Variants in GPATCH1 observed in about 807,000 individuals in gnomAD.
GPATCH1 encodes G-patch domain containing 1.
In GPATCH1, 73 loss-of-function variants were observed where a neutral mutation model predicts 114.9. That is an observed-to-expected ratio of 0.64 (90% CI 0.53 to 0.77). The LOEUF (loss-of-function observed/expected upper bound fraction) is 0.77. Among genes scored for constraint, GPATCH1 ranks in the 30% least tolerant of loss-of-function variants. The pLI, the probability that GPATCH1 is intolerant of heterozygous loss-of-function variation, is 0.00. For missense variants in GPATCH1, 1,058 were observed against 1,144.3 expected (o/e 0.92, Z 1.09); for synonymous variants, 391 against 428.4 (o/e 0.91, Z 1.08).
In GPATCH1 at chr19:33,130,131, C is replaced by G. The variant is rs1293231331; in HGVS notation, c.2767C>G (p.Leu923Val). 1 of 1,610,590 alleles carries G rather than the reference C, an allele frequency of 6.2e-7. No individual in the cohort carries two copies. ...TCTCTTTTCTGTTTTCTTTTCCAGG[C>G]TGAAAAGTCTTCCACTAAGAAGGCA... is the stretch of plus-strand genomic sequence containing the variant. ...DVSPQELLRR[L>V]KSLPLRRQ The change falls in exon 20 of 20, where the codon CTG (leucine) becomes GTG (valine). Residue 923 changes from leucine (L) to valine (V), a missense_variant and splice_region_variant. Physicochemically the swap from Leu to Val is conservative, Grantham distance 32. Coordinates refer to ENST00000170564, the MANE Select transcript of GPATCH1 (RefSeq NM_018025.3).
In GPATCH1 at chr19:33,093,461, G is replaced by A. The variant is rs752843732; in HGVS notation, c.397G>A (p.Ala133Thr). 2.0e-5 allele frequency: 32 copies of A among 1,613,486 alleles called. No homozygotes were observed. The highest frequency in any genetic ancestry group is 2.7e-5 in the African/African-American group (2 of 74,888). Residue 133 changes from alanine (A) to threonine (T), a missense_variant, in exon 4 of 20, where the codon GCT becomes ACT. Physicochemically the swap from Ala to Thr is moderately conservative, Grantham distance 58. Transcript: ENST00000170564. ...ACGAGAAAAGGCTAGGCAGTTGGCC[G>A]CTGCTACTGCCCCTATTCCTGGAGC... ...RIREKARQLA[A>T]ATAPIPGATL...
At chr19:33,111,624 A>G (rs1390484440) in intron 11 of GPATCH1, 100 bp from the exon 12 acceptor site, 5 of 1,031,702 alleles carry the variant, frequency 4.8e-6, no homozygotes, top group East Asian at 2.4e-5. Context: ...ATAAGGACTT[A>G]TGAAATATAC....
intron 12 of GPATCH1, 107 bp from the exon 13 acceptor site, chr19:33,112,379 C>T: frequency 7.7e-7 from 1 of 1,305,306 alleles, no homozygotes; most frequent in Non-Finnish European, 1.1e-6. Flanking sequence ...TGTTATAGCA[C>T]AAACTTTTTT....
rs1261027184 is a variant in GPATCH1, at chr19:33,114,386, G to A, written c.2163G>A (p.Glu721=). ...KQQSSPLVNK[E]EEHAPELSAN... ...AGTCCAGCCCCTTAGTAAACAAAGA[G>A]GAAGAGCATGCACCAGAATTATCCG... The change falls in exon 15 of 20, where the codon GAG becomes GAA. Residue 721 remains glutamate, a synonymous_variant. Coordinates refer to ENST00000170564, the MANE Select transcript of GPATCH1 (RefSeq NM_018025.3). 21 of 1,606,282 alleles carry A rather than the reference G, an allele frequency of 1.3e-5. No homozygotes were observed. Among genetic ancestry groups the A allele is most frequent in the Non-Finnish European group, 1.7e-5 (20 of 1,178,150 alleles).
intron 3 of GPATCH1, among the ~76,000 whole-genome samples, chr19:33,091,725 A>G (rs1043164698): frequency 6.6e-6 from 1 of 152,194 alleles, no homozygotes; most frequent in African/African-American, 2.4e-5. Flanking sequence ...AAACCTGCAC[A>G]TCCTGCACAT....
Position 33,121,430 on chromosome 19 carries a change from C to T in GPATCH1, c.2521+2313C>T, listed in dbSNP as rs567931154. On this transcript the variant is annotated intron_variant, in intron 17 of 19. Coordinates refer to ENST00000170564, the MANE Select transcript of GPATCH1 (RefSeq NM_018025.3). ...CACCTCCTGGGTTCAAGCGATTCTC[C>T]TACCTCACCCTCCCAAGTAGCTGGG... Among the ~76,000 whole-genome samples the T allele has an allele frequency of 2.6e-5, 4 of 151,712 alleles. No homozygotes were observed. In the South Asian group the frequency reaches 8.3e-4, roughly 32 times the overall value.
chr19:33,099,357 C>T (rs534153245), intron 8 of GPATCH1, among the ~76,000 whole-genome samples: 11 of 151,492 alleles, frequency 7.3e-5, no homozygotes, highest in Non-Finnish European at 1.0e-4. Flanking sequence ...TATTTAAGTC[C>T]GCCTGCTGAA....
chr19:33,108,678 C>T (rs1186873037), intron 10 of GPATCH1, among the ~76,000 whole-genome samples: 1 of 152,076 alleles, frequency 6.6e-6, no homozygotes, highest in East Asian at 1.9e-4. Context: ...TGAGGGCCAG[C>T]GTATTGCTCC....
chr19:33,125,199 G>A lies in GPATCH1; in HGVS notation c.2616G>A (p.Glu872=), dbSNP rs145162939. 4.4e-6 allele frequency: 7 copies of A among 1,589,364 alleles called. No homozygotes were observed. The African/African-American group carries it at 8.1e-5, about 18-fold the overall frequency. ...KAKKEHRRKK[E]KKKKHRKHKH... ...AGAAAGAGCACAGGCGGAAGAAAGAGAAGGTGAGAGACTTGTGTGTACCCC... is the reference window on the plus strand; with the variant it reads ...AGAAAGAGCACAGGCGGAAGAAAGAAAAGGTGAGAGACTTGTGTGTACCCC... Residue 872 remains glutamate (E), a synonymous_variant, in exon 18 of 20, where the codon GAG becomes GAA. Transcript: ENST00000170564.
rs138520265 is a variant in GPATCH1 at position 33,105,859 on chromosome 19, T to C, written c.1081-836T>C. Among the ~76,000 whole-genome samples, 1,169 of 151,860 alleles carry C rather than the reference T, an allele frequency of 7.7e-3. 11 individuals carry two copies. Among genetic ancestry groups the C allele is most frequent in the Middle Eastern group, 0.034 (10 of 294 alleles). ...TTTATTTGTCTTTCTTTTTTTTTTG[T>C]TTGAGACGGAGTCTCGCTCTGTTTC... On this transcript the variant is annotated intron_variant, in intron 9 of 19. Coordinates refer to ENST00000170564, the MANE Select transcript of GPATCH1 (RefSeq NM_018025.3).
intron 9 of GPATCH1, among the ~76,000 whole-genome samples, chr19:33,106,394 T>C (rs1972785055): frequency 6.6e-6 from 1 of 152,190 alleles, no homozygotes; most frequent in Non-Finnish European, 1.5e-5. Flanking sequence ...ACATTTATGA[T>C]CTATTGTCAT....
intron 17 of GPATCH1, among the ~76,000 whole-genome samples, chr19:33,124,678 A>G (rs974508317): frequency 1.3e-5 from 2 of 152,158 alleles, no homozygotes; most frequent in Non-Finnish European, 2.9e-5. Flanking sequence ...TCCCCATTTT[A>G]TAGTTGGGGA....
At chr19:33,101,792 G>A (rs953192509) in intron 9 of GPATCH1, among the ~76,000 whole-genome samples, 1 of 152,126 alleles carries the variant, frequency 6.6e-6, no homozygotes, top group Non-Finnish European at 1.5e-5. Context: ...CACTTTGGGA[G>A]GCCAAGGTGG....
At chr19:33,104,332 C>T (rs147872830) in intron 9 of GPATCH1, among the ~76,000 whole-genome samples, 13 of 64,710 alleles carry the variant, frequency 2.0e-4, no homozygotes, top group African/African-American at 1.3e-3. Flanking sequence ...GAGTGAGACC[C>T]TGTCTCAAAA....
At chr19:33,087,009 C>T (rs1277679941) in intron 1 of GPATCH1, among the ~76,000 whole-genome samples, 1 of 152,056 alleles carries the variant, frequency 6.6e-6, no homozygotes, top group Non-Finnish European at 1.5e-5. Context: ...GTGTCTCCCT[C>T]TTCTTGTTAA....
intron 15 of GPATCH1, among the ~76,000 whole-genome samples, chr19:33,115,753 C>G (rs1259703941): frequency 6.6e-6 from 1 of 152,062 alleles, no homozygotes; most frequent in Non-Finnish European, 1.5e-5. Context: ...CTCAGCCTCC[C>G]CAAAGTGCTG....
Position 33,093,479 on chromosome 19 carries a change from C to T in GPATCH1, c.415C>T (p.Pro139Ser), listed in dbSNP as rs144397243. Reference protein sequence around the residue: ...RQLAAATAPIPGATLLDDLIT... With the variant: ...RQLAAATAPISGATLLDDLIT... ...GTTGGCCGCTGCTACTGCCCCTATT[C>T]CTGGAGCCACCCTCCTTGATGACCT... Residue 139 changes from proline (P) to serine (S), a missense_variant, in exon 4 of 20, where the codon CCT becomes TCT. Around this residue, in one of 3 missense-constraint regions of GPATCH1, gnomAD observed 893 missense variants for 977.4 expected, o/e 0.91. Transcript: ENST00000170564. 5.6e-5 allele frequency: 91 copies of T among 1,613,940 alleles called. 1 individual carries two copies. In the African/African-American group the frequency reaches 1.1e-3, roughly 20 times the overall value.
intron 15 of GPATCH1, among the ~76,000 whole-genome samples, chr19:33,116,630 C>T (rs1972918712): frequency 6.6e-6 from 1 of 152,176 alleles, no homozygotes; most frequent in Non-Finnish European, 1.5e-5. Context: ...CCCAGGTTCA[C>T]GCCATTCTCC....
intron 1 of GPATCH1, among the ~76,000 whole-genome samples, chr19:33,081,547 A>C (rs1188394105): frequency 1.3e-5 from 2 of 152,118 alleles, no homozygotes; most frequent in East Asian, 3.9e-4. Context: ...GGGGGTGCTC[A>C]GGCAGTGTCT....
Sources: allele counts gnomAD v4.1 joint callset (sites outside exome capture counted in the v4.1 genomes callset), GRCh38; gene constraint gnomAD v4.1.1; regional missense constraint gnomAD v4.1.1; transcripts MANE v1.5; gene names NCBI Gene and HGNC (gene_info 2026-07-23, HGNC 2026-07-21).